The following SIGLEC5 variants were observed in gnomAD, a reference collection of about 807,000 sequenced individuals.
SIGLEC5 encodes sialic acid-binding Ig-like lectin 5.
In SIGLEC5, 34 loss-of-function variants were observed where a neutral mutation model predicts 45.9. The ratio of observed to expected loss-of-function variants is 0.74; its 90% confidence interval spans 0.56 to 0.99. The LOEUF (loss-of-function observed/expected upper bound fraction) is 0.99, where lower values mean the gene tolerates loss of function less well. SIGLEC5 is among the 50% of genes least tolerant of loss of function. SIGLEC5 has a pLI of 0.00. For missense variants in SIGLEC5, 508 were observed against 629.6 expected, an observed-to-expected ratio of 0.81 and a Z score of 2.07; for synonymous variants, 203 against 258.6, an observed-to-expected ratio of 0.79 and a Z score of 2.06.
intron 8 of SIGLEC5, among the ~76,000 whole-genome samples, chr19:51,613,076 C>CTCACTTCTTT (rs1982922342): frequency 6.6e-6 from 1 of 152,110 alleles, no homozygotes; most frequent in Non-Finnish European, 1.5e-5. Context: ...AGACCTGAAC[C>CTCACTTCTTT]TCACTTCTTT....
intron 8 of SIGLEC5, among the ~76,000 whole-genome samples, chr19:51,615,052 T>A (rs1276643715): frequency 6.6e-6 from 1 of 152,124 alleles, no homozygotes; most frequent in Non-Finnish European, 1.5e-5. Flanking sequence ...GACGTCAAAC[T>A]CCAGGGACCA....
chr19:51,626,220 C>A, intron 7 of SIGLEC5, 107 bp from the exon 8 acceptor site: 1 of 842,032 alleles, frequency 1.2e-6, no homozygotes, highest in South Asian at 1.4e-5. Context: ...GCCATCCAGG[C>A]CCCGGAACTA....
At chr19:51,621,737 T>C (rs1422200203) in intron 8 of SIGLEC5, 1 of 152,138 alleles carries the variant, frequency 6.6e-6, no homozygotes, top group East Asian at 1.9e-4. Context: ...AGCAAGAAGA[T>C]GCTAAAGGAC....
intron 8 of SIGLEC5, among the ~76,000 whole-genome samples, chr19:51,624,831 G>A (rs558092508): frequency 3.6e-4 from 55 of 152,130 alleles, no homozygotes; most frequent in Non-Finnish European, 6.3e-4. Flanking sequence ...TAGCCAGGTG[G>A]TGCATGCCTG....
chr19:51,623,317 A>G (rs1263873522), intron 8 of SIGLEC5, among the ~76,000 whole-genome samples: 1 of 152,222 alleles, frequency 6.6e-6, no homozygotes, highest in African/African-American at 2.4e-5. Context: ...ATATGATTAT[A>G]TTACAACTAG....
chr19:51,622,130 TTTTTG>T (rs940847925), intron 8 of SIGLEC5, among the ~76,000 whole-genome samples: 2 of 151,968 alleles, frequency 1.3e-5, no homozygotes, highest in African/African-American at 2.4e-5. Context: ...GCTTTTTTGT[TTTTTG>T]TTTTGTTTTG....
At chr19:51,628,150 T>A in intron 4 of SIGLEC5, 59 bp from the exon 5 acceptor site, 1 of 1,458,550 alleles carries the variant, frequency 6.9e-7, no homozygotes, top group Non-Finnish European at 9.1e-7. Context: ...ACAGTCCCTA[T>A]CCTTCCCTCC....
intron 8 of SIGLEC5, among the ~76,000 whole-genome samples, chr19:51,618,669 G>A (rs1055893684): frequency 6.6e-6 from 1 of 151,198 alleles, no homozygotes; most frequent in African/African-American, 2.4e-5. Context: ...GCGGGCACCT[G>A]TAATCCCAGC....
intron 8 of SIGLEC5, among the ~76,000 whole-genome samples, chr19:51,616,914 AAAAAC>A (rs1374080772): frequency 2.2e-5 from 3 of 137,388 alleles, no homozygotes; most frequent in African/African-American, 5.3e-5. Flanking sequence ...GTCAAAAAAA[AAAAAC>A]AAAAAAAAAA....
chr19:51,618,185 G>T (rs540697884), intron 8 of SIGLEC5, among the ~76,000 whole-genome samples: 1 of 151,948 alleles, frequency 6.6e-6, no homozygotes, highest in South Asian at 2.1e-4. Context: ...ATAGTAGAAA[G>T]AAATCCACAT....
chr19:51,613,944 G>A (rs1216385439), intron 8 of SIGLEC5, among the ~76,000 whole-genome samples: 2 of 152,110 alleles, frequency 1.3e-5, no homozygotes, highest in Non-Finnish European at 2.9e-5. Context: ...TGTCTTATGT[G>A]CAAACCAGAA....
At position 51,612,188 on chromosome 19, in the gene SIGLEC5, A is replaced by G. The variant is rs760746996; in HGVS notation, c.*43T>C. On this transcript the variant is annotated 3_prime_UTR_variant, in exon 9 of 9. Transcript: ENST00000683636. ...CCCTGACTTGTCCTTTCCCCCAGAC[A>G]GGCTGTGGCTCCTCCAGCCAGGACT... is the stretch of plus-strand genomic sequence containing the variant. 2 of 1,489,156 alleles carry G rather than the reference A, an allele frequency of 1.3e-6. No homozygotes were observed. The highest frequency in any genetic ancestry group is 2.4e-5 in the East Asian group (1 of 42,182). 92.2% of individuals were successfully genotyped at this position (1,489,156 alleles called of 1,614,324 possible). A position where few individuals can be genotyped will look rare whatever the true frequency, so the allele number is the denominator to read the frequency against.
chr19:51,622,375 G>A (rs775436570), intron 8 of SIGLEC5, among the ~76,000 whole-genome samples: 15 of 150,514 alleles, frequency 1.0e-4, no homozygotes, highest in East Asian at 1.9e-4. Context: ...TCCTGACCTC[G>A]TGATCCACCC....
chr19:51,625,504 T>C (rs943750590), intron 8 of SIGLEC5, among the ~76,000 whole-genome samples: 3 of 152,180 alleles, frequency 2.0e-5, no homozygotes, highest in East Asian at 3.9e-4. Flanking sequence ...GGAGGGAAGA[T>C]GAGCAAAGGA....
intron 8 of SIGLEC5, among the ~76,000 whole-genome samples, chr19:51,617,238 G>C (rs1983101829): frequency 6.8e-6 from 1 of 146,300 alleles, no homozygotes; most frequent in Non-Finnish European, 1.5e-5. Flanking sequence ...CTGGGCGACA[G>C]AGCAAGACTC....
At chr19:51,613,774 A>G (rs1982946591) in intron 8 of SIGLEC5, among the ~76,000 whole-genome samples, 1 of 152,094 alleles carries the variant, frequency 6.6e-6, no homozygotes, top group African/African-American at 2.4e-5. Context: ...AGGGTTATTC[A>G]TCTAATACAT....
In SIGLEC5 at chr19:51,611,123, A is replaced by C. The variant is rs1249397804; in HGVS notation, c.*1108T>G. Among the ~76,000 whole-genome samples the C allele has an allele frequency of 6.6e-6, 1 of 152,222 alleles. No homozygotes were observed. Among genetic ancestry groups the C allele is most frequent in the African/African-American group, 2.4e-5 (1 of 41,460 alleles). On this transcript the variant is annotated 3_prime_UTR_variant, in exon 9 of 9. Transcript: ENST00000683636. Reference sequence around the variant, plus strand: ...CAATGTCCTCCCAGTACTCCACTGGAATTATCCACTCATTTCCTCATGACC... The same window carrying C: ...CAATGTCCTCCCAGTACTCCACTGGCATTATCCACTCATTTCCTCATGACC...
At chr19:51,629,706 C>T in intron 2 of SIGLEC5, 70 bp from the exon 3 acceptor site, 1 of 893,472 alleles carries the variant, frequency 1.1e-6, no homozygotes, top group Non-Finnish European at 1.7e-6. Context: ...CCGAGAGTGG[C>T]CAGGCCTCAG....
chr19:51,619,430 T>C (rs182920256), intron 8 of SIGLEC5, among the ~76,000 whole-genome samples: 41 of 152,318 alleles, frequency 2.7e-4, no homozygotes, highest in Non-Finnish European at 5.4e-4. Context: ...CAAAAATTCA[T>C]TGTATACAGG....
Sources: allele counts gnomAD v4.1 joint callset (sites outside exome capture counted in the v4.1 genomes callset), GRCh38; gene constraint gnomAD v4.1.1; transcripts MANE v1.5; gene names NCBI Gene and HGNC (gene_info 2026-07-23, HGNC 2026-07-21).